DCLK1: variants seen among roughly 807,000 people sequenced by gnomAD.
The protein encoded by DCLK1 is serine/threonine-protein kinase DCLK1.
DCLK1 carries 16 observed loss-of-function variants against 86.2 expected under a neutral mutation model. That is an observed-to-expected ratio of 0.19 (90% CI 0.13 to 0.28). The LOEUF is 0.28. DCLK1 is among the 10% of genes least tolerant of loss of function. DCLK1 has a pLI of 1.00. For synonymous variants in DCLK1, 369 were observed against 370.5 expected (o/e 1.00, Z 0.05); for missense variants, 590 against 940.2 (o/e 0.63, Z 4.87).
intron 11 of DCLK1, among the ~76,000 whole-genome samples, chr13:35,819,945 CT>C (rs1368954964): frequency 6.6e-6 from 1 of 152,134 alleles, no homozygotes; most frequent in Non-Finnish European, 1.5e-5. Context: ...AAGATAAAGG[CT>C]TGAAGGAGGT....
At chr13:35,984,653 G>A (rs1433338872) in intron 3 of DCLK1, among the ~76,000 whole-genome samples, 2 of 152,156 alleles carry the variant, frequency 1.3e-5, no homozygotes, top group East Asian at 1.9e-4. Flanking sequence ...CAAAGGGAGG[G>A]GCAATAATAT....
chr13:35,922,433 A>G (rs574382290), intron 4 of DCLK1, among the ~76,000 whole-genome samples: 2 of 152,338 alleles, frequency 1.3e-5, no homozygotes, highest in East Asian at 3.9e-4. Context: ...ATCAATAAAT[A>G]TGTCTTGATT....
At chr13:35,844,572 A>G (rs1400802453) in intron 6 of DCLK1, among the ~76,000 whole-genome samples, 5 of 152,290 alleles carry the variant, frequency 3.3e-5, no homozygotes, top group African/African-American at 1.2e-4. Context: ...CGTAGTTTGG[A>G]AGCAGCCCAG....
rs535898825 is a variant in DCLK1 at position 35,930,564 on chromosome 13, CACTCCAGCCTGGGTGATAGAGCAAG to C, written c.823+16769_823+16793del. Among the ~76,000 whole-genome samples the C allele has an allele frequency of 2.7e-4, 41 of 152,218 alleles. No homozygotes were observed. The East Asian group carries it at 7.3e-3, about 27-fold the overall frequency. The stretch of plus-strand genomic sequence containing the variant: ...GCAGTGAGCTGAGATCATGTCACTG[CACTCCAGCCTGGGTGATAGAGCAAG>C]ACTCCATCTCAAACAAACAAACAAA... On this transcript the variant is annotated intron_variant, in intron 4 of 16. Transcript: ENST00000360631.
intron 4 of DCLK1, among the ~76,000 whole-genome samples, chr13:35,876,248 T>C (rs528257500): frequency 3.3e-5 from 5 of 152,326 alleles, no homozygotes; most frequent in African/African-American, 1.2e-4. Flanking sequence ...TAATTACAAA[T>C]ATTTCAACTC....
chr13:35,978,442 G>A (rs1038830701), intron 3 of DCLK1, among the ~76,000 whole-genome samples: 10 of 152,126 alleles, frequency 6.6e-5, no homozygotes, highest in African/African-American at 2.2e-4. Flanking sequence ...CTGGGCTCAA[G>A]TGATCCACCC....
At chr13:35,834,509 G>A (rs1869211232) in intron 8 of DCLK1, among the ~76,000 whole-genome samples, 3 of 152,166 alleles carry the variant, frequency 2.0e-5, no homozygotes, top group South Asian at 2.1e-4. Context: ...TATCTATAAC[G>A]TGGAGACAAC....
At chr13:35,829,387 G>C (rs1324336885) in intron 8 of DCLK1, among the ~76,000 whole-genome samples, 2 of 152,152 alleles carry the variant, frequency 1.3e-5, no homozygotes, top group African/African-American at 4.8e-5. Flanking sequence ...GGAGAGCCTA[G>C]CTTTTTACCT....
intron 4 of DCLK1, among the ~76,000 whole-genome samples, chr13:35,886,934 T>C (rs990780299): frequency 6.6e-6 from 1 of 152,202 alleles, no homozygotes; most frequent in African/African-American, 2.4e-5. Flanking sequence ...GGAGCTTCAG[T>C]AGATTCTAAG....
At chr13:35,905,136 C>A (rs957208986) in intron 4 of DCLK1, among the ~76,000 whole-genome samples, 7 of 152,144 alleles carry the variant, frequency 4.6e-5, no homozygotes, top group Admixed American at 1.3e-4. Flanking sequence ...CCCTTGCTTG[C>A]GCCTGGCCTC....
chr13:35,781,337 T>A (rs2086521653), intron 16 of DCLK1, among the ~76,000 whole-genome samples: 1 of 152,222 alleles, frequency 6.6e-6, no homozygotes, highest in African/African-American at 2.4e-5. Context: ...GAGCCCCAAT[T>A]TCCAGGTCCA....
chr13:35,987,987 C>T (rs1466064701), intron 3 of DCLK1, among the ~76,000 whole-genome samples: 4 of 152,206 alleles, frequency 2.6e-5, no homozygotes, highest in Non-Finnish European at 5.9e-5. Flanking sequence ...CAGCCTCCTG[C>T]GTGCTGTGCT....
chr13:36,087,282 G>A (rs758323027), intron 3 of DCLK1, among the ~76,000 whole-genome samples: 9 of 151,970 alleles, frequency 5.9e-5, no homozygotes, highest in African/African-American at 1.5e-4. Flanking sequence ...AGAAGTGCCC[G>A]GACAGCTGTT....
chr13:35,844,307 G>A (rs776222982), intron 6 of DCLK1, among the ~76,000 whole-genome samples: 42 of 152,262 alleles, frequency 2.8e-4, no homozygotes, highest in Non-Finnish European at 2.8e-4. Context: ...AGGAGAAAAC[G>A]CGAATGGAAA....
chr13:35,957,289 T>C (rs955713249), intron 3 of DCLK1, among the ~76,000 whole-genome samples: 8 of 152,142 alleles, frequency 5.3e-5, no homozygotes, highest in Non-Finnish European at 7.4e-5. Flanking sequence ...TCAGGCAACA[T>C]CCTCAGATAG....
At chr13:35,998,452 C>T (rs1233845891) in intron 3 of DCLK1, among the ~76,000 whole-genome samples, 1 of 152,140 alleles carries the variant, frequency 6.6e-6, no homozygotes, top group African/African-American at 2.4e-5. Flanking sequence ...AATAGCTCTT[C>T]TGCCTCTTCG....
chr13:36,119,931 T>C (rs1885925385), intron 2 of DCLK1, among the ~76,000 whole-genome samples: 2 of 152,184 alleles, frequency 1.3e-5, no homozygotes, highest in Admixed American at 6.5e-5. Flanking sequence ...GCTGTTCCAT[T>C]ACAGGAAGAT....
intron 4 of DCLK1, among the ~76,000 whole-genome samples, chr13:35,898,787 G>C (rs1185020378): frequency 6.6e-6 from 1 of 152,084 alleles, no homozygotes; most frequent in African/African-American, 2.4e-5. Context: ...TGTCGCCCAG[G>C]ATGGAGTGCA....
intron 16 of DCLK1, among the ~76,000 whole-genome samples, chr13:35,789,018 G>C (rs1252858984): frequency 6.6e-6 from 1 of 152,136 alleles, no homozygotes; most frequent in Admixed American, 6.5e-5. Flanking sequence ...TTAACACAAA[G>C]TACAATAAAT....
Sources: allele counts gnomAD v4.1 joint callset (sites outside exome capture counted in the v4.1 genomes callset), GRCh38; gene constraint gnomAD v4.1.1; transcripts MANE v1.5; gene names NCBI Gene and HGNC (gene_info 2026-07-23, HGNC 2026-07-21).